CTNNA3: variants seen among roughly 807,000 people sequenced by gnomAD.
The protein encoded by CTNNA3 is catenin alpha 3.
Under a neutral mutation model 95.7 loss-of-function variants are expected in CTNNA3, and 76 were observed. That is an observed-to-expected ratio of 0.79 (90% CI 0.66 to 0.96). The LOEUF is 0.96. CTNNA3 is among the 40% of genes least tolerant of loss of function. CTNNA3 has a pLI of 0.00. For missense variants in CTNNA3, 1,191 were observed against 1,089.8 expected, an observed-to-expected ratio of 1.09 and a Z score of -1.31; for synonymous variants, 431 against 374.4, an observed-to-expected ratio of 1.15 and a Z score of -1.74.
In CTNNA3 at chr10:66,763,649, G is replaced by A. The variant is rs72802618; in HGVS notation, c.1281+2615C>T. Among the ~76,000 whole-genome samples the A allele has an allele frequency of 8.1e-3, 1,226 of 152,220 alleles. 6 individuals are homozygous for A. The highest frequency in any genetic ancestry group is 0.017 in the Middle Eastern group (5 of 294). ...TGTAGTCTCACTGCTCCCTTTTCCT[G>A]TGTCTGGGCAGTCTCTGTAATTGGT... On this transcript the variant is annotated intron_variant, in intron 9 of 17. Coordinates refer to ENST00000433211, the MANE Select transcript of CTNNA3 (RefSeq NM_013266.4).
chr10:66,787,109 T>C (rs1337433551), intron 7 of CTNNA3, among the ~76,000 whole-genome samples: 1 of 152,186 alleles, frequency 6.6e-6, no homozygotes, highest in Non-Finnish European at 1.5e-5. Context: ...AACCTCTACT[T>C]AGTGAGTCAG....
chr10:66,668,873 C>A (rs1846557711), intron 9 of CTNNA3, among the ~76,000 whole-genome samples: 1 of 151,870 alleles, frequency 6.6e-6, no homozygotes, highest in Admixed American at 6.6e-5. Flanking sequence ...TCTCATTGTG[C>A]AAAGTTCCCA....
At chr10:67,341,807 C>A (rs1274505087) in intron 5 of CTNNA3, among the ~76,000 whole-genome samples, 1 of 152,064 alleles carries the variant, frequency 6.6e-6, no homozygotes, top group Non-Finnish European at 1.5e-5. Context: ...TTTATAATCC[C>A]ACCAAGAGTG....
chr10:66,383,315 C>A (rs1268711266), intron 11 of CTNNA3, among the ~76,000 whole-genome samples: 5 of 152,050 alleles, frequency 3.3e-5, no homozygotes, highest in Non-Finnish European at 1.5e-5. Flanking sequence ...GCTTCAATAG[C>A]AGATTCGATC....
chr10:66,691,213 A>G (rs1427898960), intron 9 of CTNNA3, among the ~76,000 whole-genome samples: 1 of 152,154 alleles, frequency 6.6e-6, no homozygotes, highest in South Asian at 2.1e-4. Context: ...AGTCAAAGAA[A>G]GGGGTGACAG....
chr10:66,300,125 C>T lies in CTNNA3; in HGVS notation c.1733-19504G>A, dbSNP rs7905705. ...GCCAGGCTGGTCTTGAACTCCTGACCTCGTGATTCACCTGCCTCAGCCTCC... is the reference window on the plus strand; with the variant it reads ...GCCAGGCTGGTCTTGAACTCCTGACTTCGTGATTCACCTGCCTCAGCCTCC... On this transcript the variant is annotated intron_variant, in intron 12 of 17. Coordinates refer to ENST00000433211, the MANE Select transcript of CTNNA3 (RefSeq NM_013266.4). Among the ~76,000 whole-genome samples, 1,356 of 151,958 alleles carry T rather than the reference C, an allele frequency of 8.9e-3. 22 individuals carry two copies. The highest frequency in any genetic ancestry group is 0.031 in the African/African-American group (1,272 of 41,432).
chr10:67,667,319 C>A (rs1003215777), intron 1 of CTNNA3, among the ~76,000 whole-genome samples: 1 of 151,982 alleles, frequency 6.6e-6, no homozygotes, highest in Non-Finnish European at 1.5e-5. Flanking sequence ...CTGATTTATT[C>A]TAAAAATAAA....
chr10:67,511,355 T>G (rs954244856), intron 5 of CTNNA3, among the ~76,000 whole-genome samples: 2 of 152,192 alleles, frequency 1.3e-5, no homozygotes, highest in South Asian at 4.1e-4. Flanking sequence ...CTGTTATTAT[T>G]TTGAGATACA....
chr10:67,141,277 A>G (rs1860548929), intron 7 of CTNNA3, among the ~76,000 whole-genome samples: 2 of 149,830 alleles, frequency 1.3e-5, no homozygotes, highest in South Asian at 2.1e-4. Context: ...AGGAATGCCA[A>G]TTAATGCTTG....
chr10:67,440,662 A>C (rs1377159843), intron 5 of CTNNA3, among the ~76,000 whole-genome samples: 1 of 152,148 alleles, frequency 6.6e-6, no homozygotes, highest in Non-Finnish European at 1.5e-5. Flanking sequence ...GTTTGAGAGA[A>C]AGTAAGAGAA....
At chr10:67,288,409 C>T (rs1172159476) in intron 5 of CTNNA3, among the ~76,000 whole-genome samples, 2 of 152,216 alleles carry the variant, frequency 1.3e-5, no homozygotes, top group African/African-American at 2.4e-5. Context: ...CATTTATTAC[C>T]AATGCAACCA....
chr10:66,712,155 C>G (rs1299471920), intron 9 of CTNNA3, among the ~76,000 whole-genome samples: 1 of 152,074 alleles, frequency 6.6e-6, no homozygotes, highest in East Asian at 1.9e-4. Context: ...TGCTGCAAAT[C>G]TTAGAAAGGG....
At chr10:66,648,295 G>A (rs1324840349) in intron 9 of CTNNA3, among the ~76,000 whole-genome samples, 3 of 152,132 alleles carry the variant, frequency 2.0e-5, no homozygotes, top group Non-Finnish European at 2.9e-5. Context: ...CCCATCAAAA[G>A]GGCATTAGGA....
At chr10:67,157,413 A>T (rs1432939240) in intron 7 of CTNNA3, among the ~76,000 whole-genome samples, 3 of 152,166 alleles carry the variant, frequency 2.0e-5, no homozygotes, top group African/African-American at 7.2e-5. Context: ...TCCAAAAGGG[A>T]GAAGGCAGCC....
chr10:66,739,032 T>G (rs1167669863), intron 9 of CTNNA3, among the ~76,000 whole-genome samples: 2 of 152,080 alleles, frequency 1.3e-5, no homozygotes, highest in Non-Finnish European at 2.9e-5. Flanking sequence ...AAAATAAATT[T>G]CAGTCATCTC....
chr10:66,564,617 G>T (rs1435229140), intron 10 of CTNNA3, among the ~76,000 whole-genome samples: 1 of 152,158 alleles, frequency 6.6e-6, no homozygotes, highest in Non-Finnish European at 1.5e-5. Context: ...TTCTCTTTCT[G>T]ATTTTGAGGG....
intron 10 of CTNNA3, among the ~76,000 whole-genome samples, chr10:66,592,100 CAAA>C: frequency 8.6e-6 from 1 of 116,368 alleles, no homozygotes; most frequent in African/African-American, 2.8e-5. Context: ...TCTAGCTTGG[CAAA>C]AAAAAAAAAA....
rs926918970 is a variant in CTNNA3 at position 66,426,608 on chromosome 10, CT to C, written c.1532-47257del. Reference sequence around the variant, plus strand: ...TGTTCTTAAGAAGTTAAAAGCCAATCTTTTTTTTTTCCTATGCAAGCAATCT... The same window carrying C: ...TGTTCTTAAGAAGTTAAAAGCCAATCTTTTTTTTTCCTATGCAAGCAATCT... On this transcript the variant is annotated intron_variant, in intron 11 of 17. Coordinates refer to ENST00000433211, the MANE Select transcript of CTNNA3 (RefSeq NM_013266.4). 2.8e-4 allele frequency among the ~76,000 whole-genome samples: 42 copies of C among 150,322 alleles called. 1 individual carries two copies. The highest frequency in any genetic ancestry group is 8.8e-4 in the African/African-American group (36 of 41,136).
At chr10:67,248,223 A>G (rs985189414) in intron 5 of CTNNA3, among the ~76,000 whole-genome samples, 2 of 151,966 alleles carry the variant, frequency 1.3e-5, no homozygotes, top group Admixed American at 1.3e-4. Flanking sequence ...TTGGGGATGA[A>G]GGTGGGTGTG....
Sources: gnomAD v4.1 joint callset for allele counts (sites outside exome capture counted in the v4.1 genomes callset) on GRCh38, gnomAD v4.1.1 for gene constraint, MANE v1.5 for transcripts, NCBI Gene and HGNC (gene_info 2026-07-23, HGNC 2026-07-21) for gene names.